CPA6: variants seen among roughly 807,000 people sequenced by gnomAD.
CPA6 encodes carboxypeptidase B.
CPA6 carries 58 observed loss-of-function variants against 63.3 expected under a neutral mutation model. The ratio of observed to expected loss-of-function variants is 0.92; its 90% CI spans 0.74 to 1.14. The LOEUF is 1.14. Among genes scored for constraint, CPA6 ranks in the 50% most tolerant of loss-of-function variants. The probability of loss-of-function intolerance (pLI) is 0.00; values close to 1 mark genes in which losing one functional copy is unlikely to be tolerated. For synonymous variants in CPA6, 185 were observed against 179.0 expected, an observed-to-expected ratio of 1.03 and a Z score of -0.27; for missense variants, 565 against 526.6, an observed-to-expected ratio of 1.07 and a Z score of -0.71.
At chr8:67,444,368 C>T (rs1208820528) in intron 8 of CPA6, among the ~76,000 whole-genome samples, 2 of 152,136 alleles carry the variant, frequency 1.3e-5, no homozygotes, top group African/African-American at 4.8e-5. Context: ...ATGTCTATTT[C>T]ATTTTGGACA....
At chr8:67,464,441 T>C (rs1810881675) in intron 8 of CPA6, among the ~76,000 whole-genome samples, 1 of 152,238 alleles carries the variant, frequency 6.6e-6, no homozygotes. Context: ...ATACATAGTT[T>C]ATGAATATTT....
intron 8 of CPA6, among the ~76,000 whole-genome samples, chr8:67,469,637 C>A (rs1014151119): frequency 6.6e-6 from 1 of 152,104 alleles, no homozygotes; most frequent in Non-Finnish European, 1.5e-5. Flanking sequence ...ACCAGCCCCA[C>A]CCCTCCTGCT....
At chr8:67,487,732 T>A (rs1811513046) in intron 6 of CPA6, among the ~76,000 whole-genome samples, 1 of 152,224 alleles carries the variant, frequency 6.6e-6, no homozygotes, top group Non-Finnish European at 1.5e-5. Flanking sequence ...GTTTCCTGAC[T>A]TTTTAATGAT....
At chr8:67,544,120 T>C (rs1045458171) in intron 2 of CPA6, among the ~76,000 whole-genome samples, 2 of 152,208 alleles carry the variant, frequency 1.3e-5, no homozygotes, top group African/African-American at 2.4e-5. Context: ...CCTGACCATT[T>C]GATTGAGCAG....
chr8:67,480,097 T>G (rs1811326271), intron 8 of CPA6, among the ~76,000 whole-genome samples: 1 of 152,158 alleles, frequency 6.6e-6, no homozygotes, highest in Admixed American at 6.5e-5. Context: ...ATTTATAATA[T>G]TAGGTAACTG....
At chr8:67,613,919 T>G (rs970709537) in intron 2 of CPA6, among the ~76,000 whole-genome samples, 3 of 152,140 alleles carry the variant, frequency 2.0e-5, no homozygotes, top group Non-Finnish European at 2.9e-5. Context: ...ATCTGAACTC[T>G]GAGAGGAGTT....
chr8:67,536,890 T>G (rs1292038105), intron 2 of CPA6, among the ~76,000 whole-genome samples: 2 of 152,188 alleles, frequency 1.3e-5, no homozygotes, highest in East Asian at 3.9e-4. Context: ...GTTTATTGAG[T>G]GTTTTTAGCA....
chr8:67,535,238 G>T (rs918993796), intron 2 of CPA6, among the ~76,000 whole-genome samples: 1 of 152,034 alleles, frequency 6.6e-6, no homozygotes, highest in Non-Finnish European at 1.5e-5. Context: ...GGAATTGCTG[G>T]GTCAAATGGT....
chr8:67,576,251 TC>T (rs2128977410), intron 2 of CPA6, among the ~76,000 whole-genome samples: 1 of 152,334 alleles, frequency 6.6e-6, no homozygotes, highest in African/African-American at 2.4e-5. Flanking sequence ...ACTTAACCAT[TC>T]CATTGTATTA....
chr8:67,551,369 C>A (rs1276165813), intron 2 of CPA6, among the ~76,000 whole-genome samples: 2 of 152,098 alleles, frequency 1.3e-5, no homozygotes, highest in Non-Finnish European at 2.9e-5. Flanking sequence ...CTATTGTATT[C>A]CATTGGTCTA....
rs75317971 is a variant in CPA6 at position 67,499,542 on chromosome 8, A to T, written c.636+7245T>A. Among the ~76,000 whole-genome samples the T allele has an allele frequency of 3.0e-3, 454 of 152,314 alleles. 11 individuals carry two copies. The East Asian group carries it at 0.073, about 24-fold the overall frequency. The stretch of plus-strand genomic sequence containing the variant: ...GTAATATCTTGCCAAACTGTAGTAT[A>T]ATATTACCATTAGGGTATTGGCATC... On this transcript the variant is annotated intron_variant, in intron 6 of 10. Transcript: ENST00000297770.
In CPA6 at chr8:67,650,181, C is replaced by G. The variant is rs144528785; in HGVS notation, c.117-25930G>C. On this transcript the variant is annotated intron_variant, in intron 1 of 10. Transcript: ENST00000297770. ...GAGACTGCTGGCTGTATAAATGTAACCAGTTCTGGAACAATTTCTTCAATG... is the reference window on the plus strand; with the variant it reads ...GAGACTGCTGGCTGTATAAATGTAAGCAGTTCTGGAACAATTTCTTCAATG... Among the ~76,000 whole-genome samples, 1,386 of 152,066 alleles carry G rather than the reference C, an allele frequency of 9.1e-3. 20 individuals are homozygous for G. Among genetic ancestry groups the G allele is most frequent in the African/African-American group, 0.032 (1,312 of 41,448 alleles).
In CPA6 at chr8:67,655,979, G is replaced by A. The variant is rs185794468; in HGVS notation, c.117-31728C>T. On this transcript the variant is annotated intron_variant, in intron 1 of 10. Transcript: ENST00000297770. ...TCCTTACCTGGACGTAAAATACTTG[G>A]TGTTGCTATCACCAGGAGGCTTATG... Among the ~76,000 whole-genome samples, 187 of 152,148 alleles carry A rather than the reference G, an allele frequency of 1.2e-3. 2 individuals are homozygous for A. In the South Asian group the frequency reaches 0.016, roughly 13 times the overall value.
chr8:67,658,831 G>A (rs541730002), intron 1 of CPA6, among the ~76,000 whole-genome samples: 102 of 152,090 alleles, frequency 6.7e-4, no homozygotes, highest in African/African-American at 2.3e-3. Context: ...ACCAAATCTA[G>A]GACATTCTGC....
At chr8:67,464,764 G>A (rs573848942) in intron 8 of CPA6, among the ~76,000 whole-genome samples, 8 of 152,264 alleles carry the variant, frequency 5.3e-5, no homozygotes, top group South Asian at 2.1e-4. Context: ...TATTGAATAC[G>A]GAGTCCTATC....
intron 1 of CPA6, among the ~76,000 whole-genome samples, chr8:67,705,267 C>T (rs541701341): frequency 6.6e-5 from 10 of 152,296 alleles, no homozygotes; most frequent in African/African-American, 1.9e-4. Context: ...TCCCCACCCC[C>T]GATGGCCTTG....
At chr8:67,440,019 C>T (rs1810254669) in intron 8 of CPA6, among the ~76,000 whole-genome samples, 1 of 152,114 alleles carries the variant, frequency 6.6e-6, no homozygotes, top group Admixed American at 6.5e-5. Context: ...TTGTGGCAGC[C>T]TTGGTATTTG....
At chr8:67,489,539 T>C (rs1421781314) in intron 6 of CPA6, among the ~76,000 whole-genome samples, 3 of 152,280 alleles carry the variant, frequency 2.0e-5, no homozygotes, top group Admixed American at 6.5e-5. Flanking sequence ...TCTGACACTG[T>C]ATTACAGTTA....
At chr8:67,515,670 C>T (rs945895023) in intron 3 of CPA6, among the ~76,000 whole-genome samples, 4 of 152,120 alleles carry the variant, frequency 2.6e-5, no homozygotes, top group African/African-American at 9.7e-5. Context: ...CATTTTCTCC[C>T]ACCTCCTCTA....
Sources: allele counts gnomAD v4.1 joint callset (sites outside exome capture counted in the v4.1 genomes callset), GRCh38; gene constraint gnomAD v4.1.1; transcripts MANE v1.5; gene names NCBI Gene and HGNC (gene_info 2026-07-23, HGNC 2026-07-21).